The following LRMDA variants were observed in gnomAD, a reference collection of about 807,000 sequenced individuals.
LRMDA encodes leucine rich melanocyte differentiation associated.
In LRMDA, 18 loss-of-function variants were observed where a neutral mutation model predicts 29.8. The ratio of observed to expected loss-of-function variants is 0.60; its 90% CI spans 0.42 to 0.90. The LOEUF is 0.90. Ranked by LOEUF, LRMDA falls within the 40% of genes least tolerant of loss-of-function variation. LRMDA has a pLI of 0.00. For missense variants in LRMDA, 273 were observed against 273.9 expected, an observed-to-expected ratio of 1.00 and a Z score of 0.02; for synonymous variants, 125 against 109.4, an observed-to-expected ratio of 1.14 and a Z score of -0.89.
At chr10:75,891,602 T>G (rs1454095219) in intron 2 of LRMDA, among the ~76,000 whole-genome samples, 1 of 152,164 alleles carries the variant, frequency 6.6e-6, no homozygotes, top group South Asian at 2.1e-4. Flanking sequence ...TGGGTTTTAT[T>G]GTATATTAGA....
chr10:76,110,103 C>T (rs372834501), intron 5 of LRMDA, among the ~76,000 whole-genome samples: 40 of 152,300 alleles, frequency 2.6e-4, no homozygotes, highest in South Asian at 6.2e-4. Flanking sequence ...ATGTCTCAGA[C>T]GCCTCAAAGG....
At position 76,495,958 on chromosome 10, in the gene LRMDA, G is replaced by A. The variant is rs1455479745; in HGVS notation, c.602-61251G>A. On this transcript the variant is annotated intron_variant, in intron 6 of 6. Transcript: ENST00000611255. ...GACAATTATGCTGTCTTGTAACAGAGACTTTTTTTTTCTTTTCCAGTTTAC... is the reference window on the plus strand; with the variant it reads ...GACAATTATGCTGTCTTGTAACAGAAACTTTTTTTTTCTTTTCCAGTTTAC... 8.1e-5 allele frequency among the ~76,000 whole-genome samples: 6 copies of A among 74,450 alleles called. 2 individuals carry two copies. The highest frequency in any genetic ancestry group is 1.9e-4 in the African/African-American group (6 of 30,838). 48.8% of individuals were successfully genotyped at this position (74,450 alleles called of 152,430 possible). A position where few individuals can be genotyped will look rare whatever the true frequency, so the allele number is the denominator to read the frequency against.
intron 6 of LRMDA, among the ~76,000 whole-genome samples, chr10:76,381,021 C>CTTTTTTTTTTTT (rs538112084): frequency 1.0e-5 from 1 of 96,914 alleles, no homozygotes; most frequent in Non-Finnish European, 2.2e-5. Flanking sequence ...TTTATCTTTG[C>CTTTTTTTTTTTT]TTTTTTTTTT....
At chr10:75,609,862 A>C (rs1184703969) in intron 2 of LRMDA, among the ~76,000 whole-genome samples, 1 of 152,136 alleles carries the variant, frequency 6.6e-6, no homozygotes, top group African/African-American at 2.4e-5. Context: ...CCCTAGTGAG[A>C]AGAAGAGGCT....
At chr10:75,713,362 T>A (rs1842460188) in intron 2 of LRMDA, among the ~76,000 whole-genome samples, 1 of 152,206 alleles carries the variant, frequency 6.6e-6, no homozygotes, top group Admixed American at 6.5e-5. Flanking sequence ...TTGTTAAAAT[T>A]AATGCAATCG....
chr10:76,399,261 C>T (rs148932172), intron 6 of LRMDA, among the ~76,000 whole-genome samples: 20 of 152,310 alleles, frequency 1.3e-4, no homozygotes, highest in African/African-American at 4.3e-4. Flanking sequence ...CCTTTGCCTG[C>T]ATCTAGACCT....
chr10:76,047,152 A>C lies in LRMDA; in HGVS notation c.259-12A>C. On this transcript the variant is annotated splice_polypyrimidine_tract_variant and intron_variant, in intron 3 of 6. Coordinates refer to ENST00000611255, the MANE Select transcript of LRMDA (RefSeq NM_001305581.2). ...TTTGTCTTACTGGACCAAGATTCTT[A>C]ACCTTTGTCACATCACTGATTTGGA... 6.2e-7 allele frequency: 1 copy of C among 1,613,806 alleles called. No homozygotes were observed.
chr10:76,103,271 T>C (rs1193454592), intron 5 of LRMDA, among the ~76,000 whole-genome samples: 1 of 152,236 alleles, frequency 6.6e-6, no homozygotes, highest in Non-Finnish European at 1.5e-5. Context: ...AGATACAACA[T>C]GGCAAAATGC....
intron 2 of LRMDA, among the ~76,000 whole-genome samples, chr10:75,897,855 C>T (rs903062703): frequency 1.6e-5 from 2 of 125,198 alleles, no homozygotes; most frequent in Admixed American, 9.7e-5. Context: ...CGGAGTCTCA[C>T]GTTGTTGCCC....
chr10:75,868,715 T>C, intron 2 of LRMDA, among the ~76,000 whole-genome samples: 1 of 152,172 alleles, frequency 6.6e-6, no homozygotes, highest in Non-Finnish European at 1.5e-5. Context: ...TCCAGATGCT[T>C]GGTGTAACTG....
chr10:76,536,172 G>T (rs544792737), intron 6 of LRMDA, among the ~76,000 whole-genome samples: 1 of 152,192 alleles, frequency 6.6e-6, no homozygotes, highest in Admixed American at 6.5e-5. Context: ...ATACGTAAGG[G>T]CATTTTCCTG....
chr10:76,397,588 G>A (rs1841800359), intron 6 of LRMDA, among the ~76,000 whole-genome samples: 1 of 152,246 alleles, frequency 6.6e-6, no homozygotes, highest in African/African-American at 2.4e-5. Flanking sequence ...CTCGGCACCA[G>A]GTCTGGGCTA....
At chr10:75,890,630 T>A (rs1384811148) in intron 2 of LRMDA, among the ~76,000 whole-genome samples, 1 of 152,142 alleles carries the variant, frequency 6.6e-6, no homozygotes, top group Admixed American at 6.5e-5. Context: ...GGGGTCATGA[T>A]GATAGTGAAG....
chr10:76,303,404 T>G (rs1840507594), intron 5 of LRMDA, among the ~76,000 whole-genome samples: 1 of 152,088 alleles, frequency 6.6e-6, no homozygotes, highest in Admixed American at 6.6e-5. Flanking sequence ...GCTGGAGGTT[T>G]TGTTCTGAGT....
At chr10:76,187,588 T>G (rs1025178206) in intron 5 of LRMDA, among the ~76,000 whole-genome samples, 1 of 152,200 alleles carries the variant, frequency 6.6e-6, no homozygotes, top group Non-Finnish European at 1.5e-5. Context: ...CATGGAGTTG[T>G]TAAGAAGATC....
intron 5 of LRMDA, among the ~76,000 whole-genome samples, chr10:76,310,440 C>A (rs1338565177): frequency 1.4e-5 from 2 of 146,650 alleles, no homozygotes; most frequent in Admixed American, 1.3e-4. Flanking sequence ...AATTTCAGGG[C>A]CTTTACATGA....
intron 5 of LRMDA, among the ~76,000 whole-genome samples, chr10:76,207,963 CA>C (rs945778304): frequency 1.0e-4 from 15 of 148,138 alleles, no homozygotes; most frequent in African/African-American, 3.0e-4. Context: ...GACTCCATCT[CA>C]AAAAAAAAAG....
intron 2 of LRMDA, among the ~76,000 whole-genome samples, chr10:75,809,723 A>G (rs1382446557): frequency 1.3e-5 from 2 of 152,154 alleles, no homozygotes; most frequent in Admixed American, 1.3e-4. Flanking sequence ...TAGACCAACC[A>G]GTAGTCACTC....
chr10:76,093,371 TCC>T (rs906346665), intron 5 of LRMDA, among the ~76,000 whole-genome samples: 3 of 151,684 alleles, frequency 2.0e-5, no homozygotes, highest in Non-Finnish European at 4.4e-5. Context: ...GAAAGGATCT[TCC>T]CCTCCTTACC....
Sources: gnomAD v4.1 joint callset for allele counts (sites outside exome capture counted in the v4.1 genomes callset) on GRCh38, gnomAD v4.1.1 for gene constraint, MANE v1.5 for transcripts, NCBI Gene and HGNC (gene_info 2026-07-23, HGNC 2026-07-21) for gene names.